ESRRG: variants seen among roughly 807,000 people sequenced by gnomAD.
ESRRG encodes estrogen-related receptor gamma.
ESRRG carries 13 observed loss-of-function variants against 44.0 expected under a neutral mutation model. The ratio of observed to expected loss-of-function variants is 0.30; its 90% CI spans 0.19 to 0.47. ESRRG has a LOEUF of 0.47. ESRRG is among the 20% of genes least tolerant of loss of function. ESRRG has a pLI of 1.00. For synonymous variants in ESRRG, 215 were observed against 214.6 expected (o/e 1.00, Z -0.02); for missense variants, 395 against 580.6 (o/e 0.68, Z 3.29).
chr1:216,969,591 C>T (rs1160411765), intron 1 of ESRRG, among the ~76,000 whole-genome samples: 1 of 152,018 alleles, frequency 6.6e-6, no homozygotes, highest in Non-Finnish European at 1.5e-5. Flanking sequence ...TAGAAATTTT[C>T]TTTCCTTTTT....
chr1:216,561,370 T>G (rs778477576), intron 5 of ESRRG, among the ~76,000 whole-genome samples: 2 of 152,062 alleles, frequency 1.3e-5, no homozygotes, highest in Non-Finnish European at 2.9e-5. Context: ...AAAAAATGAC[T>G]TCACTTTAAC....
chr1:216,939,043 G>A (rs2064670432), intron 2 of ESRRG, among the ~76,000 whole-genome samples: 1 of 151,968 alleles, frequency 6.6e-6, no homozygotes, highest in Non-Finnish European at 1.5e-5. Flanking sequence ...GAAAGAAATG[G>A]GTATTCAATT....
chr1:216,677,565 A>G, intron 1 of ESRRG, 74 bp from the exon 2 acceptor site: 1 of 1,266,486 alleles, frequency 7.9e-7, no homozygotes, highest in Non-Finnish European at 1.1e-6. Context: ...AGAGGTAGAA[A>G]CAAAAGAGAT....
At chr1:216,988,876 G>A (rs2075269305) in intron 1 of ESRRG, among the ~76,000 whole-genome samples, 1 of 152,160 alleles carries the variant, frequency 6.6e-6, no homozygotes, top group Admixed American at 6.5e-5. Flanking sequence ...TGAAAAATAA[G>A]TGTGCCTAAA....
intron 2 of ESRRG, among the ~76,000 whole-genome samples, chr1:216,784,866 C>T (rs1484571763): frequency 4.0e-5 from 6 of 151,848 alleles, no homozygotes; most frequent in East Asian, 1.9e-4. Context: ...TCATGCACTC[C>T]GATTTTACAT....
chr1:216,965,161 T>G (rs1578776238), intron 1 of ESRRG, among the ~76,000 whole-genome samples: 1 of 28,346 alleles, frequency 3.5e-5, no homozygotes, highest in East Asian at 3.5e-4. Flanking sequence ...CACATATGCC[T>G]TTTTTTTTTT....
intron 2 of ESRRG, among the ~76,000 whole-genome samples, chr1:216,790,574 T>G (rs750817877): frequency 3.9e-5 from 6 of 152,110 alleles, no homozygotes; most frequent in Non-Finnish European, 8.8e-5. Context: ...AAAGAGGATA[T>G]GCAAAGATGG....
At chr1:216,628,015 C>T (rs548541199) in intron 3 of ESRRG, among the ~76,000 whole-genome samples, 69 of 152,194 alleles carry the variant, frequency 4.5e-4, no homozygotes, top group African/African-American at 1.6e-3. Context: ...AATATTCATG[C>T]GTATGAACTA....
chr1:216,716,051 T>G (rs998613053), intron 1 of ESRRG, among the ~76,000 whole-genome samples: 6 of 152,072 alleles, frequency 3.9e-5, no homozygotes, highest in African/African-American at 1.4e-4. Context: ...AAGATTTTTT[T>G]GTTTTCCAGA....
At chr1:217,078,768 A>G (rs143417085) in intron 1 of ESRRG, among the ~76,000 whole-genome samples, 1 of 152,328 alleles carries the variant, frequency 6.6e-6, no homozygotes, top group East Asian at 1.9e-4. Context: ...CTTTGTATGT[A>G]AGGTTCCTCT....
chr1:216,732,300 T>C (rs189450752), intron 2 of ESRRG, among the ~76,000 whole-genome samples: 76 of 152,202 alleles, frequency 5.0e-4, no homozygotes, highest in African/African-American at 1.8e-3. Flanking sequence ...ATTTTATAGA[T>C]GACACTGAGA....
chr1:216,855,540 A>G (rs1167267964), intron 2 of ESRRG, among the ~76,000 whole-genome samples: 1 of 152,246 alleles, frequency 6.6e-6, no homozygotes, highest in Non-Finnish European at 1.5e-5. Flanking sequence ...GCTAAAGTGG[A>G]AAACAAAATG....
upstream of ESRRG, among the ~76,000 whole-genome samples, chr1:217,093,040 A>G (rs1353220382): frequency 6.6e-6 from 1 of 152,126 alleles, no homozygotes. Context: ...GCTACTGTAA[A>G]CTTAATTATT....
upstream of ESRRG, among the ~76,000 whole-genome samples, chr1:217,090,742 CAGGGGAGTCTGGAAGGGCAAGA>C (rs1384236246): frequency 6.6e-6 from 1 of 152,150 alleles, no homozygotes. Flanking sequence ...TCTGGCCCAC[CAGGGGAGTCTGGAAGGGCAAGA>C]AGGATAACTA....
intron 1 of ESRRG, among the ~76,000 whole-genome samples, chr1:217,089,279 G>A (rs1477138781): frequency 6.6e-6 from 1 of 151,814 alleles, no homozygotes. Flanking sequence ...CAGCACACAC[G>A]CTCACAGTTT....
intron 2 of ESRRG, among the ~76,000 whole-genome samples, chr1:216,839,230 T>C (rs917396885): frequency 2.0e-5 from 3 of 152,228 alleles, no homozygotes; most frequent in Non-Finnish European, 4.4e-5. Context: ...TACTCATCTG[T>C]AAAAGGCTTT....
intron 5 of ESRRG, among the ~76,000 whole-genome samples, chr1:216,528,717 A>G (rs2048404529): frequency 6.6e-6 from 1 of 152,108 alleles, no homozygotes; most frequent in South Asian, 2.1e-4. Context: ...CATTTTCCAC[A>G]CTAAAAAACT....
chr1:216,647,662 C>T (rs561294697), intron 3 of ESRRG, among the ~76,000 whole-genome samples: 5 of 152,272 alleles, frequency 3.3e-5, no homozygotes, highest in Admixed American at 1.3e-4. Flanking sequence ...CTCCCACCAA[C>T]GCTCAGATAT....
intron 1 of ESRRG, among the ~76,000 whole-genome samples, chr1:216,684,512 C>T (rs1041997286): frequency 1.1e-4 from 16 of 151,992 alleles, no homozygotes; most frequent in Admixed American, 2.6e-4. Flanking sequence ...ATAATAATGC[C>T]GAGTAATTGC....
Sources: gnomAD v4.1 joint callset for allele counts (sites outside exome capture counted in the v4.1 genomes callset) on GRCh38, gnomAD v4.1.1 for gene constraint, MANE v1.5 for transcripts, NCBI Gene and HGNC (gene_info 2026-07-23, HGNC 2026-07-21) for gene names.